Variants in ATXN7L1 observed in about 807,000 individuals in gnomAD.
ATXN7L1 encodes ataxin-7-like protein 1.
In ATXN7L1, 15 loss-of-function variants were observed where a neutral mutation model predicts 70.8. The ratio of observed to expected loss-of-function variants is 0.21; its 90% CI spans 0.14 to 0.33. The LOEUF is 0.33. Ranked by LOEUF, ATXN7L1 falls within the 10% of genes least tolerant of loss-of-function variation. The probability of loss-of-function intolerance (pLI) is 1.00; values close to 1 mark genes in which losing one functional copy is unlikely to be tolerated. For synonymous variants in ATXN7L1, 440 were observed against 445.1 expected (o/e 0.99, Z 0.14); for missense variants, 975 against 1,097.1 (o/e 0.89, Z 1.57).
intron 3 of ATXN7L1, among the ~76,000 whole-genome samples, chr7:105,702,944 G>A (rs769071632): frequency 8.5e-5 from 13 of 152,094 alleles, no homozygotes; most frequent in South Asian, 2.1e-4. Context: ...GTGAAACCCC[G>A]TCTCTACTAA....
At chr7:105,648,116 T>G (rs1799326364) in intron 4 of ATXN7L1, among the ~76,000 whole-genome samples, 1 of 152,200 alleles carries the variant, frequency 6.6e-6, no homozygotes, top group South Asian at 2.1e-4. Context: ...GCTGGGCCAC[T>G]GAGTGAACAC....
chr7:105,699,189 G>C (rs1469101341), intron 3 of ATXN7L1, among the ~76,000 whole-genome samples: 1 of 151,930 alleles, frequency 6.6e-6, no homozygotes, highest in Admixed American at 6.6e-5. Flanking sequence ...TTGGAGCACA[G>C]TTGTGCAATC....
intron 2 of ATXN7L1, among the ~76,000 whole-genome samples, chr7:105,840,968 A>ATGT (rs1469065236): frequency 2.0e-5 from 3 of 152,178 alleles, no homozygotes; most frequent in Non-Finnish European, 4.4e-5. Context: ...GACAATCCTA[A>ATGT]TGTCCTTGGT....
rs1001783137 is a variant in ATXN7L1, at chr7:105,875,796, C to T, written c.250+16G>A. ...GCCACACATGCTAACACTAAAATGCCAGTAGCTCCACTTACCTTCTTTATT... is the reference window on the plus strand; with the variant it reads ...GCCACACATGCTAACACTAAAATGCTAGTAGCTCCACTTACCTTCTTTATT... On this transcript the variant is annotated intron_variant, in intron 2 of 11. Transcript: ENST00000419735. 6.2e-7 allele frequency: 1 copy of T among 1,606,688 alleles called. No individual in the cohort carries two copies. Among genetic ancestry groups the T allele is most frequent in the Non-Finnish European group, 8.5e-7 (1 of 1,173,492 alleles).
chr7:105,762,549 C>A (rs142711214), intron 3 of ATXN7L1, among the ~76,000 whole-genome samples: 1 of 152,170 alleles, frequency 6.6e-6, no homozygotes, highest in Non-Finnish European at 1.5e-5. Context: ...GTTTCTAATG[C>A]CCCTTCCCCT....
chr7:105,833,743 G>A (rs1037021243), intron 2 of ATXN7L1, among the ~76,000 whole-genome samples: 4 of 152,036 alleles, frequency 2.6e-5, no homozygotes, highest in Non-Finnish European at 5.9e-5. Flanking sequence ...AGTATCAAGG[G>A]GAAAGCATGC....
intron 3 of ATXN7L1, among the ~76,000 whole-genome samples, chr7:105,725,583 C>CT (rs11428348): frequency 0.3 from 42,435 of 140,430 alleles, 7,184 homozygotes; most frequent in African/African-American, 0.46. Flanking sequence ...TTTCCATTTC[C>CT]TTTTTTTTTT....
intron 9 of ATXN7L1, among the ~76,000 whole-genome samples, chr7:105,615,225 T>C (rs1280279653): frequency 3.9e-5 from 6 of 152,132 alleles, no homozygotes; most frequent in Admixed American, 2.6e-4. Flanking sequence ...TCATTTCACA[T>C]GTAGGTCCTG....
At chr7:105,623,381 C>A (rs546016110) in intron 8 of ATXN7L1, among the ~76,000 whole-genome samples, 4 of 152,154 alleles carry the variant, frequency 2.6e-5, no homozygotes, top group Non-Finnish European at 4.4e-5. Flanking sequence ...AGTGCTCGTA[C>A]GCAAACAATA....
At chr7:105,725,416 C>T (rs574574417) in intron 3 of ATXN7L1, among the ~76,000 whole-genome samples, 1 of 152,306 alleles carries the variant, frequency 6.6e-6, no homozygotes, top group South Asian at 2.1e-4. Context: ...AAAGCTGCCT[C>T]ACTAACCTTT....
intron 2 of ATXN7L1, among the ~76,000 whole-genome samples, chr7:105,807,908 T>C (rs1404642623): frequency 1.3e-5 from 2 of 152,250 alleles, no homozygotes; most frequent in Non-Finnish European, 2.9e-5. Flanking sequence ...CATCAAGTTT[T>C]GGGGTGGTTT....
intron 3 of ATXN7L1, among the ~76,000 whole-genome samples, chr7:105,755,114 G>A (rs993110036): frequency 6.6e-6 from 1 of 152,128 alleles, no homozygotes; most frequent in Non-Finnish European, 1.5e-5. Context: ...CCTCATCGCC[G>A]GTTTCCAGAG....
chr7:105,826,686 A>G (rs748518874), intron 2 of ATXN7L1, among the ~76,000 whole-genome samples: 2 of 152,180 alleles, frequency 1.3e-5, no homozygotes, highest in African/African-American at 2.4e-5. Context: ...CCACCAAGAA[A>G]AAAACAAAGC....
chr7:105,870,729 T>C (rs923181776), intron 2 of ATXN7L1, among the ~76,000 whole-genome samples: 5 of 152,172 alleles, frequency 3.3e-5, no homozygotes, highest in Admixed American at 6.5e-5. Flanking sequence ...GGAAATTATT[T>C]GAAAAGGTTA....
At chr7:105,714,979 C>T (rs1024425131) in intron 3 of ATXN7L1, among the ~76,000 whole-genome samples, 1 of 152,060 alleles carries the variant, frequency 6.6e-6, no homozygotes. Flanking sequence ...TAAGGGTTAC[C>T]CTAGAAGCCC....
chr7:105,677,958 C>G (rs1433208646), intron 3 of ATXN7L1: 7 of 985,426 alleles, frequency 7.1e-6, no homozygotes, highest in Non-Finnish European at 8.4e-6. Flanking sequence ...CACAGACTGT[C>G]GTGGTCCCAC....
At chr7:105,757,041 A>C (rs500912) in intron 3 of ATXN7L1, among the ~76,000 whole-genome samples, 87,055 of 152,008 alleles carry the variant, frequency 0.57, 27,583 homozygotes, top group East Asian at 0.92. Context: ...AACAGACTAC[A>C]AATACTACCT....
chr7:105,697,620 C>T (rs1390289102), intron 3 of ATXN7L1, among the ~76,000 whole-genome samples: 3 of 152,220 alleles, frequency 2.0e-5, no homozygotes, highest in Admixed American at 6.5e-5. Context: ...ACATCCTTCT[C>T]GGCTGACAGG....
At chr7:105,704,195 T>C (rs1792836960) in intron 3 of ATXN7L1, among the ~76,000 whole-genome samples, 1 of 152,186 alleles carries the variant, frequency 6.6e-6, no homozygotes, top group African/African-American at 2.4e-5. Flanking sequence ...TTAGTACATT[T>C]TCCTCATCAC....
Sources: gnomAD v4.1 joint callset for allele counts (sites outside exome capture counted in the v4.1 genomes callset) on GRCh38, gnomAD v4.1.1 for gene constraint, MANE v1.5 for transcripts, NCBI Gene and HGNC (gene_info 2026-07-23, HGNC 2026-07-21) for gene names.